LRRC4C: variants seen among roughly 807,000 people sequenced by gnomAD.
The protein encoded by LRRC4C is leucine rich repeat containing 4C.
LRRC4C carries 5 observed loss-of-function variants against 33.6 expected under a neutral mutation model. The observed-to-expected ratio is 0.15, with a 90% confidence interval of 0.08 to 0.31. The LOEUF (loss-of-function observed/expected upper bound fraction) is 0.31. Among genes scored for constraint, LRRC4C ranks in the 10% least tolerant of loss-of-function variants. The pLI is 1.00. For missense variants in LRRC4C, 560 were observed against 796.7 expected (o/e 0.70, Z 3.58); for synonymous variants, 329 against 302.0 (o/e 1.09, Z -0.93).
At chr11:41,328,027 G>A (rs1056843874) in intron 1 of LRRC4C, among the ~76,000 whole-genome samples, 2 of 152,044 alleles carry the variant, frequency 1.3e-5, no homozygotes, top group Non-Finnish European at 2.9e-5. Flanking sequence ...CCCTTTGTAG[G>A]CACCATGTCC....
At chr11:40,350,114 T>C (rs913167552) in intron 3 of LRRC4C, among the ~76,000 whole-genome samples, 2 of 152,140 alleles carry the variant, frequency 1.3e-5, no homozygotes, top group African/African-American at 4.8e-5. Context: ...CATTTGTCTG[T>C]TTTTGCTTGG....
chr11:40,476,104 T>C (rs928646961), intron 3 of LRRC4C, among the ~76,000 whole-genome samples: 5 of 152,160 alleles, frequency 3.3e-5, no homozygotes, highest in Non-Finnish European at 5.9e-5. Flanking sequence ...TTGAGAATCA[T>C]TTGGCTATAC....
At chr11:40,282,806 C>T (rs984471475) in intron 4 of LRRC4C, among the ~76,000 whole-genome samples, 5 of 152,162 alleles carry the variant, frequency 3.3e-5, no homozygotes, top group African/African-American at 1.2e-4. Context: ...CCTTCTGTAG[C>T]ATGGAGTCAA....
intron 1 of LRRC4C, chr11:41,394,659 T>A (rs1591421636): frequency 6.6e-6 from 1 of 152,060 alleles, no homozygotes; most frequent in East Asian, 1.9e-4. Context: ...GAGTGCTGGG[T>A]CCATGGTCAG....
chr11:40,452,890 A>G (rs1050435558), intron 3 of LRRC4C, among the ~76,000 whole-genome samples: 1 of 152,190 alleles, frequency 6.6e-6, no homozygotes, highest in African/African-American at 2.4e-5. Flanking sequence ...AGGGACATGG[A>G]TGAAGCTGGA....
chr11:40,446,230 T>G (rs1371669671), intron 3 of LRRC4C: 1 of 152,146 alleles, frequency 6.6e-6, no homozygotes, highest in African/African-American at 2.4e-5. Context: ...TCAGCTTGAA[T>G]TTTATGATGC....
At chr11:41,387,967 G>A (rs1290378029) in intron 1 of LRRC4C, among the ~76,000 whole-genome samples, 1 of 151,678 alleles carries the variant, frequency 6.6e-6, no homozygotes, top group African/African-American at 2.4e-5. Flanking sequence ...TTTTTAAAAA[G>A]CTTCTTGTTC....
intron 3 of LRRC4C, among the ~76,000 whole-genome samples, chr11:40,477,960 T>C (rs973194191): frequency 9.2e-5 from 14 of 152,276 alleles, no homozygotes; most frequent in African/African-American, 3.4e-4. Flanking sequence ...GTAAGTCCCA[T>C]GAGGACTGAG....
chr11:40,707,917 A>G (rs1456782526), intron 2 of LRRC4C, among the ~76,000 whole-genome samples: 1 of 152,110 alleles, frequency 6.6e-6, no homozygotes, highest in East Asian at 1.9e-4. Flanking sequence ...CAGCAATTCA[A>G]CTTCTTCCTG....
At chr11:41,139,389 A>C (rs1943406427) in intron 1 of LRRC4C, among the ~76,000 whole-genome samples, 1 of 152,208 alleles carries the variant, frequency 6.6e-6, no homozygotes, top group Non-Finnish European at 1.5e-5. Context: ...ATATTTTAGA[A>C]TCTTCTGACT....
At chr11:40,775,631 T>C (rs1454288674) in intron 2 of LRRC4C, among the ~76,000 whole-genome samples, 1 of 152,200 alleles carries the variant, frequency 6.6e-6, no homozygotes, top group Non-Finnish European at 1.5e-5. Flanking sequence ...TGATTTTGTA[T>C]ACTAAACTTA....
intron 2 of LRRC4C, among the ~76,000 whole-genome samples, chr11:40,785,734 T>G (rs1160635093): frequency 1.3e-5 from 2 of 152,192 alleles, no homozygotes; most frequent in Non-Finnish European, 2.9e-5. Flanking sequence ...CAGCTTCAAA[T>G]TCTACTAAGA....
chr11:40,365,796 G>T (rs975880026), intron 3 of LRRC4C, among the ~76,000 whole-genome samples: 4 of 151,956 alleles, frequency 2.6e-5, no homozygotes, highest in African/African-American at 9.7e-5. Flanking sequence ...TCTATTTAAA[G>T]TCCCCAAGTG....
At chr11:40,573,817 A>G (rs1958075890) in intron 3 of LRRC4C, among the ~76,000 whole-genome samples, 1 of 152,124 alleles carries the variant, frequency 6.6e-6, no homozygotes, top group South Asian at 2.1e-4. Context: ...CTAAGACCTC[A>G]GTTTTCTCAA....
chr11:41,015,947 G>A (rs1318550379), intron 1 of LRRC4C, among the ~76,000 whole-genome samples: 2 of 152,024 alleles, frequency 1.3e-5, no homozygotes, highest in Non-Finnish European at 1.5e-5. Flanking sequence ...CCGAGATCGC[G>A]CCACTGCACT....
At chr11:40,880,636 ATATG>A (rs1565163666) in intron 2 of LRRC4C, among the ~76,000 whole-genome samples, 1 of 151,806 alleles carries the variant, frequency 6.6e-6, no homozygotes, top group Non-Finnish European at 1.5e-5. Flanking sequence ...ATATAAGAAT[ATATG>A]TATATCTTTA....
Position 41,104,842 on chromosome 11 carries a change from T to C in LRRC4C, c.-495-171119A>G, listed in dbSNP as rs80303345. Among the ~76,000 whole-genome samples the C allele has an allele frequency of 4.6e-3, 704 of 152,040 alleles. 8 individuals are homozygous for C. The highest frequency in any genetic ancestry group is 7.5e-3 in the Non-Finnish European group (507 of 67,878). On this transcript the variant is annotated intron_variant, in intron 1 of 6. Coordinates refer to ENST00000528697, the MANE Select transcript of LRRC4C (RefSeq NM_001258419.2). ...CAAAAACATGCTATGTGTAAAAAGGTCATAAATTATATAATTTCATTTACA... is the reference window on the plus strand; with the variant it reads ...CAAAAACATGCTATGTGTAAAAAGGCCATAAATTATATAATTTCATTTACA...
chr11:41,093,037 C>A (rs145014281), intron 1 of LRRC4C, among the ~76,000 whole-genome samples: 1 of 152,132 alleles, frequency 6.6e-6, no homozygotes, highest in Admixed American at 6.6e-5. Context: ...ACAGTAGTAA[C>A]GGTATTATGT....
chr11:40,656,926 A>G (rs1943151434), intron 2 of LRRC4C, among the ~76,000 whole-genome samples: 1 of 152,216 alleles, frequency 6.6e-6, no homozygotes, highest in Non-Finnish European at 1.5e-5. Flanking sequence ...ATGAAAAATA[A>G]ACATTTTAAG....
Sources: gnomAD v4.1 joint callset for allele counts (sites outside exome capture counted in the v4.1 genomes callset) on GRCh38, gnomAD v4.1.1 for gene constraint, MANE v1.5 for transcripts, NCBI Gene and HGNC (gene_info 2026-07-23, HGNC 2026-07-21) for gene names.